The following ZMIZ2 variants were observed in gnomAD, a reference collection of about 807,000 sequenced individuals.
The protein encoded by ZMIZ2 is zinc finger MIZ domain-containing protein 2.
In ZMIZ2, 26 loss-of-function variants were observed where a neutral mutation model predicts 93.9. The observed-to-expected ratio is 0.28, with a 90% CI of 0.20 to 0.38. ZMIZ2 has a LOEUF of 0.38. ZMIZ2 is among the 10% of genes least tolerant of loss of function. The pLI is 1.00. For synonymous variants in ZMIZ2, 485 were observed against 516.4 expected, an observed-to-expected ratio of 0.94 and a Z score of 0.82; for missense variants, 1,023 against 1,235.0, an observed-to-expected ratio of 0.83 and a Z score of 2.57.
chr7:44,760,065 GTATGGTGGGCTTC>G, intron 7 of ZMIZ2, 73 bp from the exon 8 acceptor site: 2 of 1,363,494 alleles, frequency 1.5e-6, no homozygotes, highest in South Asian at 2.4e-5. Context: ...AGAAGACCGT[GTATGGTGGGCTTC>G]TAGGGTCAGG....
At position 44,756,523 on chromosome 7, in the gene ZMIZ2, A is replaced by T; in HGVS notation, c.149A>T (p.Asn50Ile). Reference sequence around the variant, plus strand: ...GTCACTACTGTGTGGGGAGTTGGCAACGCGACACAGAGCCAGGTAAGCACC... The same window carrying T: ...GTCACTACTGTGTGGGGAGTTGGCATCGCGACACAGAGCCAGGTAAGCACC... ...SVVTTVWGVG[N>I]ATQSQVLGNP... Residue 50 changes from asparagine (N) to isoleucine (I), a missense_variant, in exon 3 of 19, where the codon AAC (asparagine) becomes ATC (isoleucine). Asn to Ile is a moderately radical substitution (Grantham distance 149). Around this residue, in one of 3 missense-constraint regions of ZMIZ2, gnomAD observed 656 missense variants for 777.1 expected, o/e 0.84. Coordinates refer to ENST00000309315, the MANE Select transcript of ZMIZ2 (RefSeq NM_031449.4). 1.2e-6 allele frequency: 2 copies of T among 1,613,958 alleles called. No individual in the cohort carries two copies. Among genetic ancestry groups the T allele is most frequent in the Non-Finnish European group, 1.7e-6 (2 of 1,180,004 alleles).
intron 1 of ZMIZ2, among the ~76,000 whole-genome samples, chr7:44,754,561 C>A (rs1282471425): frequency 6.6e-6 from 1 of 152,186 alleles, no homozygotes; most frequent in East Asian, 1.9e-4. Flanking sequence ...GCCCTGGGCA[C>A]ACAGCTCGCC....
rs771207069 is a variant in ZMIZ2 at position 44,767,460 on chromosome 7, C to T, written c.2656-56C>T. ...CCGGGATGTGGTGACAGGATGGTCACTCAGGTGTGGCCAGTCAGTGACCAA... is the reference window on the plus strand; with the variant it reads ...CCGGGATGTGGTGACAGGATGGTCATTCAGGTGTGGCCAGTCAGTGACCAA... On this transcript the variant is annotated intron_variant, in intron 18 of 18. Coordinates refer to ENST00000309315, the MANE Select transcript of ZMIZ2 (RefSeq NM_031449.4). The T allele has an allele frequency of 1.7e-4, 238 of 1,419,502 alleles. 1 individual carries two copies. In the Middle Eastern group the frequency reaches 4.1e-3, roughly 24 times the overall value. The allele number at this position is 1,419,502 out of a possible 1,614,324, so 87.9% of individuals were successfully genotyped here.
intron 6 of ZMIZ2, 42 bp from the exon 7 acceptor site, chr7:44,759,239 G>C (rs369179801): frequency 6.9e-7 from 1 of 1,455,202 alleles, no homozygotes; most frequent in South Asian, 1.4e-5. Flanking sequence ...CAGCTCCCCT[G>C]ATGCCTTTTT....
rs565213481 is a variant in ZMIZ2, at chr7:44,767,742, C to G, written c.*119C>G. 2 of 872,010 alleles carry G rather than the reference C, an allele frequency of 2.3e-6. No individual in the cohort carries two copies. The highest frequency in any genetic ancestry group is 3.3e-5 in the African/African-American group (2 of 60,316). The allele number at this position is 872,010 out of a possible 1,614,324, so 54.0% of individuals were successfully genotyped here. On this transcript the variant is annotated 3_prime_UTR_variant, in exon 19 of 19. Transcript: ENST00000309315. ...TTTCCCAAACCTCCCCCAAAACACA[C>G]CTGGAGCCAGAGCCTTCTGCCGCCA...
In ZMIZ2 at chr7:44,756,514, G is replaced by A. The variant is rs1272951396; in HGVS notation, c.140G>A (p.Gly47Glu). The change falls in exon 3 of 19, where the codon GGA becomes GAA. Residue 47 changes from glycine (G) to glutamate (E), a missense_variant. Around this residue, in one of 3 missense-constraint regions of ZMIZ2, gnomAD observed 656 missense variants for 777.1 expected, o/e 0.84. Coordinates refer to ENST00000309315, the MANE Select transcript of ZMIZ2 (RefSeq NM_031449.4). ...CTGTCTGTGGTCACTACTGTGTGGG[G>A]AGTTGGCAACGCGACACAGAGCCAG... ...GSLSVVTTVW[G>E]VGNATQSQVL... The A allele has an allele frequency of 1.2e-6, 2 of 1,614,050 alleles. No individual in the cohort carries two copies. Among genetic ancestry groups the A allele is most frequent in the Admixed American group, 1.7e-5 (1 of 60,032 alleles).
Position 44,757,987 on chromosome 7 carries a change from C to T in ZMIZ2, c.692C>T (p.Pro231Leu). Residue 231 changes from proline to leucine, a missense_variant, in exon 6 of 19, where the codon CCC (proline) becomes CTC (leucine). Transcript: ENST00000309315. ...GGCCTCTCCCCCTTGGCTATGAACC[C>T]CACCCGGGCAGCAGGAATGACACCC... ...PSGLSPLAMNPTRAAGMTPLY... is the reference protein window; with the variant it reads ...PSGLSPLAMNLTRAAGMTPLY... The T allele has an allele frequency of 6.2e-7, 1 of 1,612,636 alleles. No homozygotes were observed. The highest frequency in any genetic ancestry group is 8.5e-7 in the Non-Finnish European group (1 of 1,179,450).
chr7:44,767,413 C>A (rs915928630), intron 18 of ZMIZ2, 103 bp from the exon 19 acceptor site: 16 of 1,009,760 alleles, frequency 1.6e-5, no homozygotes, highest in Non-Finnish European at 2.1e-5. Context: ...GCTCAGCATC[C>A]CCACTGTGCC....
At position 44,765,953 on chromosome 7, in the gene ZMIZ2, A is replaced by G; in HGVS notation, c.2243-211A>G. ...TGCTCCCATTCCTATAACCTCCGAG[A>G]CCTTCACTCCTAGGAATGTCCCAAG... is the stretch of plus-strand genomic sequence containing the variant. On this transcript the variant is annotated intron_variant, in intron 16 of 18. Transcript: ENST00000309315. This position sits in a 1 kb window ranked among gnomAD's most constrained non-coding sequence, Gnocchi z 4.1. 2 of 1,401,516 alleles carry G rather than the reference A, an allele frequency of 1.4e-6. No homozygotes were observed. The highest frequency in any genetic ancestry group is 1.8e-6 in the Non-Finnish European group (2 of 1,083,712). 86.8% of individuals were successfully genotyped at this position (1,401,516 alleles called of 1,614,324 possible). A position where few individuals can be genotyped will look rare whatever the true frequency, so the allele number is the denominator to read the frequency against.
Position 44,766,490 on chromosome 7 carries a change from G to A in ZMIZ2, c.2482G>A (p.Gly828Arg), listed in dbSNP as rs71548246. The change falls in exon 18 of 19, where the codon GGG (glycine) becomes AGG (arginine). Residue 828 changes from glycine (G) to arginine (R), a missense_variant. By Grantham distance (125) the Gly-to-Arg change is moderately radical. Around this residue, in one of 3 missense-constraint regions of ZMIZ2, gnomAD observed 319 missense variants for 358.8 expected, o/e 0.89. Coordinates refer to ENST00000309315, the MANE Select transcript of ZMIZ2 (RefSeq NM_031449.4). The surrounding 1 kb of genome is among the most constrained non-coding windows in gnomAD (Gnocchi z 4.4). ...ACCAGGACTACACACCTCCAACCTT[G>A]GGGCCCCTCCAGGTCCCCAGCTGCA... Reference protein sequence around the residue: ...GTPGLHTSNLGAPPGPQLHHS... With the variant: ...GTPGLHTSNLRAPPGPQLHHS... 0.012 allele frequency: 19,101 copies of A among 1,614,152 alleles called. 159 individuals carry two copies. The highest frequency in any genetic ancestry group is 0.014 in the Non-Finnish European group (16,187 of 1,180,038).
chr7:44,763,485 A>G lies in ZMIZ2; in HGVS notation c.1860+72A>G, dbSNP rs570045334. ...TATCTTGAGTCGATACATCAGTGTC[A>G]TTCTCTGGACAGACGTGAACTCCGA... On this transcript the variant is annotated intron_variant, in intron 13 of 18. Transcript: ENST00000309315. This position sits in a 1 kb window ranked among gnomAD's most constrained non-coding sequence, Gnocchi z 5.6. The G allele has an allele frequency of 1.9e-6, 3 of 1,582,896 alleles. No individual in the cohort carries two copies. Among genetic ancestry groups the G allele is most frequent in the Middle Eastern group, 1.7e-4 (1 of 5,904 alleles).
At chr7:44,759,801 T>C (rs943328810) in intron 7 of ZMIZ2, 5 of 442,424 alleles carry the variant, frequency 1.1e-5, no homozygotes, top group African/African-American at 8.2e-5. Flanking sequence ...TTCCTTCTAC[T>C]TGCTGCAGAG....
At chr7:44,751,624 G>C (rs539689163) in intron 1 of ZMIZ2, among the ~76,000 whole-genome samples, 1 of 152,274 alleles carries the variant, frequency 6.6e-6, no homozygotes, top group Admixed American at 6.5e-5. Flanking sequence ...GAGACAGAAG[G>C]CTGGTGGTAG....
rs1790727717 is a variant in ZMIZ2, at chr7:44,757,656, G to C, written c.552+95G>C. Reference sequence around the variant, plus strand: ...ACAGTGGGCTCCAGGGACAAGCATGGAATATGCCAGGGCTCATGAAGCCAG... The same window carrying C: ...ACAGTGGGCTCCAGGGACAAGCATGCAATATGCCAGGGCTCATGAAGCCAG... On this transcript the variant is annotated intron_variant, in intron 5 of 18. Transcript: ENST00000309315. The C allele has an allele frequency of 2.7e-6, 4 of 1,474,206 alleles. No homozygotes were observed. The Admixed American group carries it at 1.0e-4, about 37-fold the overall frequency. 91.3% of individuals were successfully genotyped at this position (1,474,206 alleles called of 1,614,324 possible).
In ZMIZ2 at chr7:44,765,631, C is replaced by T. The variant is rs1220914779; in HGVS notation, c.2242+52C>T. On this transcript the variant is annotated intron_variant, in intron 16 of 18. Coordinates refer to ENST00000309315, the MANE Select transcript of ZMIZ2 (RefSeq NM_031449.4). The surrounding 1 kb of genome is among the most constrained non-coding windows in gnomAD (Gnocchi z 4.1). ...CTCAGATGACCCTGGGCATATGGCTCCTCTCCCCAGATCAGTCTCCTCACC... is the reference window on the plus strand; with the variant it reads ...CTCAGATGACCCTGGGCATATGGCTTCTCTCCCCAGATCAGTCTCCTCACC... 5 of 1,565,406 alleles carry T rather than the reference C, an allele frequency of 3.2e-6. No individual in the cohort carries two copies. The highest frequency in any genetic ancestry group is 2.3e-5 in the East Asian group (1 of 44,264).
chr7:44,750,267 G>C (rs906812250), intron 1 of ZMIZ2, among the ~76,000 whole-genome samples: 2 of 152,042 alleles, frequency 1.3e-5, no homozygotes, highest in African/African-American at 4.8e-5. Context: ...CTCATGCCTG[G>C]GCCATTGCTT....
chr7:44,765,655 C>G lies in ZMIZ2; in HGVS notation c.2242+76C>G, dbSNP rs1003159598. On this transcript the variant is annotated intron_variant, in intron 16 of 18. Transcript: ENST00000309315. This position sits in a 1 kb window ranked among gnomAD's most constrained non-coding sequence, Gnocchi z 4.1. The stretch of plus-strand genomic sequence containing the variant: ...TCCTCTCCCCAGATCAGTCTCCTCA[C>G]CTGCAAGAATGTGGCTATGCAGGTC... The G allele has an allele frequency of 6.5e-7, 1 of 1,536,856 alleles. No individual in the cohort carries two copies. Among genetic ancestry groups the G allele is most frequent in the East Asian group, 2.3e-5 (1 of 44,032 alleles).
Position 44,765,976 on chromosome 7 carries a change from A to C in ZMIZ2, c.2243-188A>C, listed in dbSNP as rs569566469. The stretch of plus-strand genomic sequence containing the variant: ...AGACCTTCACTCCTAGGAATGTCCC[A>C]AGGCCAATTCCCTTGGCAGCAATGA... On this transcript the variant is annotated intron_variant, in intron 16 of 18. Transcript: ENST00000309315. The surrounding 1 kb of genome is among the most constrained non-coding windows in gnomAD (Gnocchi z 4.1). 2 of 1,410,116 alleles carry C rather than the reference A, an allele frequency of 1.4e-6. No homozygotes were observed. The highest frequency in any genetic ancestry group is 1.8e-6 in the Non-Finnish European group (2 of 1,088,196). 87.4% of individuals were successfully genotyped at this position (1,410,116 alleles called of 1,614,324 possible). A position where few individuals can be genotyped will look rare whatever the true frequency, so the allele number is the denominator to read the frequency against.
intron 1 of ZMIZ2, among the ~76,000 whole-genome samples, chr7:44,755,330 A>G (rs532694519): frequency 1.3e-5 from 2 of 151,892 alleles, no homozygotes; most frequent in African/African-American, 2.4e-5. Context: ...CCCTCCATCT[A>G]TTGTGCTGTG....
Sources: allele counts gnomAD v4.1 joint callset (sites outside exome capture counted in the v4.1 genomes callset), GRCh38; gene constraint gnomAD v4.1.1; regional missense constraint gnomAD v4.1.1; non-coding constraint Gnocchi (gnomAD v3.1); transcripts MANE v1.5; gene names NCBI Gene and HGNC (gene_info 2026-07-23, HGNC 2026-07-21).